FSTL5: variants seen among roughly 807,000 people sequenced by gnomAD.
FSTL5 encodes follistatin like 5, also known as follistatin-related protein 5.
Under a neutral mutation model 89.1 loss-of-function variants are expected in FSTL5, and 62 were observed. That is an observed-to-expected ratio of 0.70 (90% CI 0.57 to 0.86). The LOEUF is 0.86. Ranked by LOEUF, FSTL5 falls within the 40% of genes least tolerant of loss-of-function variation. The pLI is 0.00. For missense variants in FSTL5, 1,057 were observed against 1,001.6 expected, an observed-to-expected ratio of 1.06 and a Z score of -0.75; for synonymous variants, 383 against 346.2, an observed-to-expected ratio of 1.11 and a Z score of -1.18.
intron 4 of FSTL5, among the ~76,000 whole-genome samples, chr4:161,864,601 G>T (rs1485241050): frequency 6.6e-6 from 1 of 152,134 alleles, no homozygotes; most frequent in African/African-American, 2.4e-5. Flanking sequence ...GGCAGGTGTG[G>T]TGGCTCATGC....
intron 4 of FSTL5, 136 bp from the exon 5 acceptor site, chr4:161,776,210 A>G: frequency 2.1e-6 from 1 of 479,750 alleles, no homozygotes; most frequent in Non-Finnish European, 3.5e-6. Context: ...TACGATTTAC[A>G]ACTTGTACAA....
chr4:161,550,164 C>T (rs769641279), intron 8 of FSTL5, among the ~76,000 whole-genome samples: 52 of 151,858 alleles, frequency 3.4e-4, no homozygotes, highest in Non-Finnish European at 6.6e-4. Flanking sequence ...GTATCCTGTA[C>T]ATTGCCCTTA....
At chr4:161,624,001 G>A (rs548903965) in intron 7 of FSTL5, among the ~76,000 whole-genome samples, 1 of 152,068 alleles carries the variant, frequency 6.6e-6, no homozygotes, top group South Asian at 2.1e-4. Context: ...ATTAATGAAT[G>A]TATGAAAGTA....
rs1291034682 is a variant in FSTL5, at chr4:161,784,910, AC to A, written c.410-8837del. Among the ~76,000 whole-genome samples the A allele has an allele frequency of 6.3e-5, 8 of 127,746 alleles. 1 individual carries two copies. Among genetic ancestry groups the A allele is most frequent in the Admixed American group, 3.8e-4 (5 of 13,050 alleles). The allele number at this position is 127,746 out of a possible 152,430, so 83.8% of individuals were successfully genotyped here. A position where few individuals can be genotyped will look rare whatever the true frequency, so the allele number is the denominator to read the frequency against. On this transcript the variant is annotated intron_variant, in intron 4 of 15. Transcript: ENST00000306100. Reference sequence around the variant, plus strand: ...TCCGTCTCAAAAAAAACAAAAACAAACAAACAAAAAAAAGAAGATATGCTAT... The same window carrying A: ...TCCGTCTCAAAAAAAACAAAAACAAAAAACAAAAAAAAGAAGATATGCTAT...
intron 3 of FSTL5, among the ~76,000 whole-genome samples, chr4:161,925,503 C>T (rs1734096795): frequency 6.6e-6 from 1 of 151,740 alleles, no homozygotes; most frequent in African/African-American, 2.4e-5. Context: ...CTTAAAATCA[C>T]TGAGCTTCAG....
rs111450291 is a variant in FSTL5, at chr4:161,818,389, C to G, written c.410-42315G>C. On this transcript the variant is annotated intron_variant, in intron 4 of 15. Coordinates refer to ENST00000306100, the MANE Select transcript of FSTL5 (RefSeq NM_020116.5). ...ATTTCCAGACATCAAGGCAAGAACC[C>G]GGGGATAAAGAAAGTCCTCTGTCCT... Among the ~76,000 whole-genome samples the G allele has an allele frequency of 3.9e-5, 6 of 152,288 alleles. No individual in the cohort carries two copies. In the East Asian group the frequency reaches 1.2e-3, roughly 30 times the overall value.
intron 4 of FSTL5, among the ~76,000 whole-genome samples, chr4:161,902,907 C>T (rs542092552): frequency 2.0e-5 from 3 of 152,214 alleles, no homozygotes; most frequent in Non-Finnish European, 4.4e-5. Context: ...ATACTTAATT[C>T]TTGCCTACCC....
chr4:161,660,156 A>G (rs1374717163), intron 6 of FSTL5, among the ~76,000 whole-genome samples: 5 of 152,164 alleles, frequency 3.3e-5, no homozygotes, highest in Admixed American at 3.3e-4. Context: ...TCACATTATG[A>G]GGACTATTAC....
intron 3 of FSTL5, among the ~76,000 whole-genome samples, chr4:161,962,560 G>A (rs940007405): frequency 1.3e-5 from 2 of 150,258 alleles, no homozygotes; most frequent in South Asian, 2.1e-4. Flanking sequence ...TTAATTCCTC[G>A]GAGTATTAAT....
chr4:161,610,578 G>A (rs1185056644), intron 7 of FSTL5, among the ~76,000 whole-genome samples: 2 of 152,120 alleles, frequency 1.3e-5, no homozygotes, highest in East Asian at 3.9e-4. Flanking sequence ...AAAAGACTGA[G>A]CTGAACAAGA....
chr4:161,837,736 T>C (rs1027006593), intron 4 of FSTL5, among the ~76,000 whole-genome samples: 1 of 152,158 alleles, frequency 6.6e-6, no homozygotes, highest in South Asian at 2.1e-4. Flanking sequence ...AAATGCTTTA[T>C]AAAGGTTAGC....
chr4:162,159,785 C>T (rs908885947), intron 1 of FSTL5, among the ~76,000 whole-genome samples: 3 of 151,920 alleles, frequency 2.0e-5, no homozygotes, highest in Non-Finnish European at 4.4e-5. Context: ...GCTATAAACT[C>T]TTCATTATGC....
chr4:161,993,902 A>G (rs1280085411), intron 3 of FSTL5, among the ~76,000 whole-genome samples: 1 of 152,132 alleles, frequency 6.6e-6, no homozygotes, highest in Non-Finnish European at 1.5e-5. Context: ...TTGTTTTTTC[A>G]ACTTTTATCT....
intron 1 of FSTL5, among the ~76,000 whole-genome samples, chr4:162,141,262 G>C (rs1166932949): frequency 1.1e-5 from 1 of 93,540 alleles, no homozygotes; most frequent in Non-Finnish European, 2.4e-5. Flanking sequence ...GACTACAGGC[G>C]CGCACCACCA....
At chr4:161,397,743 A>T (rs967849917) in intron 15 of FSTL5, among the ~76,000 whole-genome samples, 2 of 151,742 alleles carry the variant, frequency 1.3e-5, no homozygotes, top group Non-Finnish European at 2.9e-5. Context: ...ACAATGGTTA[A>T]GGTAATCTAA....
chr4:161,508,427 A>C (rs1193343119), intron 11 of FSTL5, among the ~76,000 whole-genome samples: 2 of 152,320 alleles, frequency 1.3e-5, no homozygotes, highest in African/African-American at 4.8e-5. Context: ...TGTGACTTAA[A>C]GTATCTGTAA....
chr4:162,058,766 C>T (rs1254236478), intron 2 of FSTL5, among the ~76,000 whole-genome samples: 5 of 151,922 alleles, frequency 3.3e-5, no homozygotes. Flanking sequence ...TTATGGTTGA[C>T]ATGCAATTAA....
At position 161,759,474 on chromosome 4, in the gene FSTL5, A is replaced by G; in HGVS notation, c.664T>C (p.Leu222=). Reference sequence around the variant, plus strand: ...TCAGCATTAAAATCATCATATTTCAATAGAACATACAAAGTACAATCAAAG... The same window carrying G: ...TCAGCATTAAAATCATCATATTTCAGTAGAACATACAAAGTACAATCAAAG... ...DLFDCTLYVL[L]KYDDFNADKH... is the part of the protein sequence containing the mutation. Residue 222 remains leucine (L), a synonymous_variant, in exon 6 of 16, where the codon TTG becomes CTG. Coordinates refer to ENST00000306100, the MANE Select transcript of FSTL5 (RefSeq NM_020116.5). 6.3e-7 allele frequency: 1 copy of G among 1,597,178 alleles called. No homozygotes were observed. The highest frequency in any genetic ancestry group is 8.5e-7 in the Non-Finnish European group (1 of 1,171,406).
At chr4:161,426,725 G>A (rs962541076) in intron 15 of FSTL5, among the ~76,000 whole-genome samples, 3 of 151,446 alleles carry the variant, frequency 2.0e-5, no homozygotes, top group African/African-American at 7.4e-5. Context: ...CCGAGTAACT[G>A]TGAAGAAAAG....
Sources: gnomAD v4.1 joint callset for allele counts (sites outside exome capture counted in the v4.1 genomes callset) on GRCh38, gnomAD v4.1.1 for gene constraint, MANE v1.5 for transcripts, NCBI Gene and HGNC (gene_info 2026-07-23, HGNC 2026-07-21) for gene names.